PRDM16: variants seen among roughly 807,000 people sequenced by gnomAD.
PRDM16 encodes histone-lysine N-methyltransferase PRDM16.
In PRDM16, 23 loss-of-function variants were observed where a neutral mutation model predicts 110.6. The observed-to-expected ratio is 0.21, with a 90% CI of 0.15 to 0.29. The LOEUF (loss-of-function observed/expected upper bound fraction) is 0.29, where lower values mean the gene tolerates loss of function less well. PRDM16 is among the 10% of genes least tolerant of loss of function. The pLI is 1.00. For synonymous variants in PRDM16, 799 were observed against 781.8 expected (o/e 1.02, Z -0.37); for missense variants, 1,615 against 1,794.3 (o/e 0.90, Z 1.81).
intron 1 of PRDM16, among the ~76,000 whole-genome samples, chr1:3,094,212 G>A (rs939359664): frequency 6.6e-6 from 1 of 152,246 alleles, no homozygotes; most frequent in African/African-American, 2.4e-5. Flanking sequence ...AGCCGCGGAG[G>A]AGACAGGTGG....
intron 3 of PRDM16, among the ~76,000 whole-genome samples, chr1:3,329,177 A>T (rs1384964119): frequency 6.6e-6 from 1 of 152,234 alleles, no homozygotes; most frequent in Non-Finnish European, 1.5e-5. Context: ...TGTAGGTAGG[A>T]AGCAGCACTG....
intron 1 of PRDM16, among the ~76,000 whole-genome samples, chr1:3,105,496 C>A (rs1642632699): frequency 6.6e-6 from 1 of 152,210 alleles, no homozygotes; most frequent in South Asian, 2.1e-4. Flanking sequence ...GGAAAGGGAA[C>A]CCTTGGACGG....
At chr1:3,355,670 C>G (rs1642581277) in intron 3 of PRDM16, among the ~76,000 whole-genome samples, 1 of 152,144 alleles carries the variant, frequency 6.6e-6, no homozygotes, top group Non-Finnish European at 1.5e-5. Context: ...TCTTGTGGCC[C>G]CGGACCCTCA....
intron 1 of PRDM16, among the ~76,000 whole-genome samples, chr1:3,171,080 C>T (rs536129796): frequency 7.5e-4 from 114 of 152,382 alleles, no homozygotes; most frequent in Middle Eastern, 3.4e-3. Context: ...CAGCGCCCCA[C>T]GGAGACCTGC....
chr1:3,258,797 G>A (rs866187129), intron 3 of PRDM16, among the ~76,000 whole-genome samples: 1 of 152,232 alleles, frequency 6.6e-6, no homozygotes, highest in African/African-American at 2.4e-5. Flanking sequence ...AGGGGTGAGC[G>A]CGCGGCGGCT....
intron 3 of PRDM16, among the ~76,000 whole-genome samples, chr1:3,280,391 G>A (rs1640687699): frequency 6.6e-6 from 1 of 152,218 alleles, no homozygotes; most frequent in African/African-American, 2.4e-5. Context: ...GTATATCTGG[G>A]AGGGTGCAGA....
rs759159524 is a variant in PRDM16 at position 3,425,572 on chromosome 1, C to T, written c.2940-9C>T. On this transcript the variant is annotated splice_polypyrimidine_tract_variant and intron_variant, in intron 12 of 16. Transcript: ENST00000270722. This position sits in a 1 kb window ranked among gnomAD's most constrained non-coding sequence, Gnocchi z 6.9. The stretch of plus-strand genomic sequence containing the variant: ...GGCCTGCACTGAGGAGCGCGTGTGC[C>T]CCTTCCAGGTGTAAGTACTGCGACC... 6.2e-7 allele frequency: 1 copy of T among 1,613,376 alleles called. No individual in the cohort carries two copies. The highest frequency in any genetic ancestry group is 8.5e-7 in the Non-Finnish European group (1 of 1,179,696).
chr1:3,328,524 TGGGTTCAAAG>T (rs953605974), intron 3 of PRDM16, among the ~76,000 whole-genome samples: 3 of 152,198 alleles, frequency 2.0e-5, no homozygotes, highest in Non-Finnish European at 4.4e-5. Flanking sequence ...GGAGACCCTG[TGGGTTCAAAG>T]GGCACGGGGC....
chr1:3,166,596 C>T (rs1374434009), intron 1 of PRDM16, among the ~76,000 whole-genome samples: 2 of 152,236 alleles, frequency 1.3e-5, no homozygotes, highest in Non-Finnish European at 2.9e-5. Flanking sequence ...CAGTCCCTCG[C>T]ATCGCCAGTA....
intron 2 of PRDM16, among the ~76,000 whole-genome samples, chr1:3,219,067 G>T (rs976676424): frequency 6.6e-6 from 1 of 152,218 alleles, no homozygotes; most frequent in Non-Finnish European, 1.5e-5. Context: ...GCACACTGCC[G>T]CGAGGAGGGC....
chr1:3,254,481 T>A (rs1243590624), intron 3 of PRDM16, among the ~76,000 whole-genome samples: 3 of 152,148 alleles, frequency 2.0e-5, no homozygotes, highest in African/African-American at 7.2e-5. Context: ...ACAAAATCAA[T>A]GTACAAAAAT....
chr1:3,156,599 T>G (rs1643862303), intron 1 of PRDM16, among the ~76,000 whole-genome samples: 1 of 152,114 alleles, frequency 6.6e-6, no homozygotes, highest in African/African-American at 2.4e-5. Context: ...TCTCTCTCTC[T>G]AGATGATTTT....
At chr1:3,169,186 T>A (rs1643996053) in intron 1 of PRDM16, among the ~76,000 whole-genome samples, 1 of 152,180 alleles carries the variant, frequency 6.6e-6, no homozygotes, top group Admixed American at 6.5e-5. Flanking sequence ...CATGGAGGTA[T>A]TGTGTGGATT....
chr1:3,235,277 G>A (rs564020265), intron 2 of PRDM16, among the ~76,000 whole-genome samples: 2 of 152,314 alleles, frequency 1.3e-5, no homozygotes, highest in South Asian at 2.1e-4. Flanking sequence ...CAGGGCGTGC[G>A]TGTCCAGTTC....
At position 3,412,185 on chromosome 1, in the gene PRDM16, C is replaced by T. The variant is rs377688111; in HGVS notation, c.1988C>T (p.Ala663Val). ...CCCCCGGGGGCCCCGAACAGCGTGG[C>T]CGAGGTGCCTGTCTTCTATTCCCAG... ...LAPPGAPNSV[A>V]EVPVFYSQHS... is the part of the protein sequence containing the mutation. Residue 663 changes from alanine (A) to valine (V), a missense_variant, in exon 9 of 17, where the codon GCC becomes GTC. Around this residue, in one of 5 missense-constraint regions of PRDM16, gnomAD observed 772 missense variants for 748.3 expected, o/e 1.03. Transcript: ENST00000270722. 4.4e-6 allele frequency: 7 copies of T among 1,591,764 alleles called. No individual in the cohort carries two copies. Among genetic ancestry groups the T allele is most frequent in the Non-Finnish European group, 6.0e-6 (7 of 1,165,300 alleles).
intron 1 of PRDM16, among the ~76,000 whole-genome samples, chr1:3,177,280 ACT>A (rs1489207394): frequency 6.6e-6 from 1 of 151,678 alleles, no homozygotes; most frequent in East Asian, 1.9e-4. Flanking sequence ...ATCTATTCAC[ACT>A]CCCACCCATA....
chr1:3,427,866 C>T (rs572354424), intron 14 of PRDM16, among the ~76,000 whole-genome samples: 4 of 152,286 alleles, frequency 2.6e-5, no homozygotes, highest in South Asian at 4.1e-4. Flanking sequence ...GCTCCAGGAA[C>T]GATGGCCTGA....
rs763015619 is a variant in PRDM16, at chr1:3,411,590, C to T, written c.1393C>T (p.Pro465Ser). 6.2e-7 allele frequency: 1 copy of T among 1,614,022 alleles called. No individual in the cohort carries two copies. Among genetic ancestry groups the T allele is most frequent in the Non-Finnish European group, 8.5e-7 (1 of 1,179,998 alleles). The change falls in exon 9 of 17, where the codon CCC becomes TCC. Residue 465 changes from proline (P) to serine (S), a missense_variant. Coordinates refer to ENST00000270722, the MANE Select transcript of PRDM16 (RefSeq NM_022114.4). ...CTTTGCCCCGGGCCTGCCCTTGACC[C>T]CCAGCCCCATGATGGACAAGGCAAA... ...GIFAPGLPLT[P>S]SPMMDKAKPS...
intron 1 of PRDM16, among the ~76,000 whole-genome samples, chr1:3,185,636 C>A (rs946511068): frequency 3.9e-5 from 6 of 152,252 alleles, no homozygotes; most frequent in African/African-American, 1.4e-4. Flanking sequence ...GCACTTAGGA[C>A]TTCTGCCGTC....
Sources: gnomAD v4.1 joint callset for allele counts (sites outside exome capture counted in the v4.1 genomes callset) on GRCh38, gnomAD v4.1.1 for gene constraint, gnomAD v4.1.1 regional missense constraint, Gnocchi (gnomAD v3.1) non-coding constraint, MANE v1.5 for transcripts, NCBI Gene and HGNC (gene_info 2026-07-23, HGNC 2026-07-21) for gene names.